ACLY: variants seen among roughly 807,000 people sequenced by gnomAD.
ACLY encodes the protein ATP citrate lyase.
ACLY carries 41 observed loss-of-function variants against 133.0 expected under a neutral mutation model. The ratio of observed to expected loss-of-function variants is 0.31; its 90% CI spans 0.24 to 0.40. The LOEUF (loss-of-function observed/expected upper bound fraction) is 0.40. Ranked by LOEUF, ACLY falls within the 10% of genes least tolerant of loss-of-function variation. The pLI, the probability that ACLY is intolerant of heterozygous loss-of-function variation, is 1.00. For missense variants in ACLY, 1,046 were observed against 1,453.8 expected (o/e 0.72, Z 4.56); for synonymous variants, 495 against 549.3 (o/e 0.90, Z 1.38).
intron 1 of ACLY, 150 bp downstream of exon 1, chr17:41,918,730 T>C: frequency 1.0e-6 from 1 of 999,264 alleles, no homozygotes. Flanking sequence ...GGGCGAAGGC[T>C]AACCTAAAGC....
intron 16 of ACLY, among the ~76,000 whole-genome samples, chr17:41,889,681 A>C (rs2049154400): frequency 6.6e-6 from 1 of 151,938 alleles, no homozygotes; most frequent in African/African-American, 2.4e-5. Context: ...CAACAAAATA[A>C]TCAATATCCT....
At chr17:41,906,039 T>C (rs1489497992) in intron 8 of ACLY, among the ~76,000 whole-genome samples, 2 of 152,220 alleles carry the variant, frequency 1.3e-5, no homozygotes, top group African/African-American at 2.4e-5. Flanking sequence ...CAGAAGGGAA[T>C]GGCAGATTGC....
chr17:41,901,836 G>T, intron 10 of ACLY, 23 bp from the exon 11 acceptor site: 1 of 1,523,984 alleles, frequency 6.6e-7, no homozygotes, highest in African/African-American at 1.4e-5. Context: ...AGTGACATGT[G>T]ACTAAAAACA....
chr17:41,918,139 T>A (rs932064078), intron 1 of ACLY, among the ~76,000 whole-genome samples: 1 of 152,168 alleles, frequency 6.6e-6, no homozygotes, highest in Non-Finnish European at 1.5e-5. Context: ...GGCGGCAGCA[T>A]CCTCCAGCCC....
chr17:41,898,409 G>T (rs1173528499), intron 12 of ACLY, among the ~76,000 whole-genome samples: 2 of 152,152 alleles, frequency 1.3e-5, no homozygotes, highest in African/African-American at 4.8e-5. Flanking sequence ...CACCATGCCC[G>T]GCCACAATTT....
At chr17:41,887,296 G>C (rs574893276) in intron 17 of ACLY, among the ~76,000 whole-genome samples, 206 of 151,974 alleles carry the variant, frequency 1.4e-3, no homozygotes, top group Non-Finnish European at 2.8e-3. Flanking sequence ...AAAATTAGCC[G>C]GACATGGTGG....
intron 24 of ACLY, 92 bp from the exon 25 acceptor site, chr17:41,871,924 A>G (rs1390106122): frequency 3.7e-5 from 59 of 1,593,450 alleles, no homozygotes; most frequent in Admixed American, 2.1e-4. Context: ...GGCCCTGAGC[A>G]CTGGGTTTTA....
At chr17:41,896,054 CCTT>C (rs2049357028) in intron 14 of ACLY, among the ~76,000 whole-genome samples, 1 of 152,164 alleles carries the variant, frequency 6.6e-6, no homozygotes, top group African/African-American at 2.4e-5. Context: ...CCGTCTACCT[CCTT>C]CTTCACCTCT....
In ACLY at chr17:41,878,177, C is replaced by T. The variant is rs782642936; in HGVS notation, c.2413G>A (p.Val805Met). Residue 805 changes from valine (V) to methionine (M), a missense_variant, in exon 22 of 29, where the codon GTG becomes ATG. Physicochemically the swap from Val to Met is conservative, Grantham distance 21. This residue lies in a region of ACLY where 39 missense variants were observed against 30.8 expected (regional missense o/e 1.27). Transcript: ENST00000352035. Reference protein sequence around the residue: ...EIIQSVYEDLVANGVIVPAQE... With the variant: ...EIIQSVYEDLMANGVIVPAQE... Reference sequence around the variant, plus strand: ...GCAGGTACAATGACTCCATTGGCCACGAGATCTTCGTATACAGACCTGGGA... The same window carrying T: ...GCAGGTACAATGACTCCATTGGCCATGAGATCTTCGTATACAGACCTGGGA... 9 of 1,593,222 alleles carry T rather than the reference C, an allele frequency of 5.6e-6. No individual in the cohort carries two copies. Among genetic ancestry groups the T allele is most frequent in the South Asian group, 3.4e-5 (3 of 88,538 alleles).
At chr17:41,920,445 C>A (rs1276619567), upstream of ACLY, among the ~76,000 whole-genome samples, 1 of 151,948 alleles carries the variant, frequency 6.6e-6, no homozygotes, top group African/African-American at 2.4e-5. Context: ...CAAAAATTAG[C>A]CAGGCATGGT....
chr17:41,919,421 G>T (rs1338281860), upstream of ACLY, among the ~76,000 whole-genome samples: 5 of 152,238 alleles, frequency 3.3e-5, no homozygotes, highest in African/African-American at 1.2e-4. Context: ...CACCGAATCC[G>T]ATTGCTTAGA....
At chr17:41,919,129 G>T (rs539407600), upstream of ACLY, 494 of 1,134,044 alleles carry the variant, frequency 4.4e-4, 1 homozygote, top group Non-Finnish European at 5.3e-4. Context: ...CGGGCCCCGG[G>T]GCCTGCTGGG....
At chr17:41,919,356 C>T (rs1454467917), upstream of ACLY, among the ~76,000 whole-genome samples, 1 of 152,220 alleles carries the variant, frequency 6.6e-6, no homozygotes, top group Non-Finnish European at 1.5e-5. Flanking sequence ...AGCTTTGGGA[C>T]CTGGAGTACC....
chr17:41,902,005 G>A (rs1277511370), intron 10 of ACLY, among the ~76,000 whole-genome samples, 192 bp from the exon 11 acceptor site: 4 of 152,190 alleles, frequency 2.6e-5, no homozygotes, highest in East Asian at 1.9e-4. Flanking sequence ...TGGGGTACCC[G>A]GGATTGACAT....
At chr17:41,878,683 C>A in intron 21 of ACLY, 114 bp downstream of exon 21, 1 of 1,343,828 alleles carries the variant, frequency 7.4e-7, no homozygotes, top group South Asian at 1.3e-5. Flanking sequence ...TACAGCTGCG[C>A]TAGACACCGA....
At chr17:41,880,746 A>T (rs1555627167) in intron 20 of ACLY, among the ~76,000 whole-genome samples, 1 of 152,002 alleles carries the variant, frequency 6.6e-6, no homozygotes, top group Non-Finnish European at 1.5e-5. Flanking sequence ...GGCGTCTGTA[A>T]TCCCAACTAC....
At position 41,901,830 on chromosome 17, in the gene ACLY, A is replaced by T. The variant is rs1437811946; in HGVS notation, c.1066-17T>A. 1 of 1,538,084 alleles carries T rather than the reference A, an allele frequency of 6.5e-7. No homozygotes were observed. Among genetic ancestry groups the T allele is most frequent in the Non-Finnish European group, 8.8e-7 (1 of 1,135,094 alleles). ...CACGATGCCCTGGAAGCCCAAAGTGACATGTGACTAAAAACAAGGCAGCCA... is the reference window on the plus strand; with the variant it reads ...CACGATGCCCTGGAAGCCCAAAGTGTCATGTGACTAAAAACAAGGCAGCCA... On this transcript the variant is annotated splice_polypyrimidine_tract_variant and intron_variant, in intron 10 of 28. Coordinates refer to ENST00000352035, the MANE Select transcript of ACLY (RefSeq NM_001096.3).
At chr17:41,918,123 G>A (rs1363790406) in intron 1 of ACLY, among the ~76,000 whole-genome samples, 1 of 152,242 alleles carries the variant, frequency 6.6e-6, no homozygotes, top group Admixed American at 6.5e-5. Context: ...GGCTCGACAG[G>A]AGGGCGGCGG....
intron 14 of ACLY, 131 bp from the exon 15 acceptor site, chr17:41,893,305 A>G: frequency 2.8e-6 from 3 of 1,081,028 alleles, no homozygotes; most frequent in Non-Finnish European, 3.8e-6. Context: ...ACCGTAAAGG[A>G]ATGTCAAGAG....
Sources: allele counts gnomAD v4.1 joint callset (sites outside exome capture counted in the v4.1 genomes callset), GRCh38; gene constraint gnomAD v4.1.1; regional missense constraint gnomAD v4.1.1; transcripts MANE v1.5; gene names NCBI Gene and HGNC (gene_info 2026-07-23, HGNC 2026-07-21).